The following ZNF892 variants were observed in gnomAD, a reference collection of about 807,000 sequenced individuals.
ZNF892 encodes zinc finger protein 570-like.
the ZNF892 span, among the ~76,000 whole-genome samples, chr2:95,228,919 C>T: frequency 1.3e-5 from 2 of 152,136 alleles, no homozygotes; most frequent in Non-Finnish European, 2.9e-5. Context: ...ATCTGATTTG[C>T]CTCTTTGGAA....
chr2:95,254,131 G>T, the ZNF892 span, among the ~76,000 whole-genome samples: 2 of 152,184 alleles, frequency 1.3e-5, no homozygotes, highest in Non-Finnish European at 2.9e-5. Flanking sequence ...AATAGGAGTG[G>T]TGAGAAAGGG....
At chr2:95,259,153 G>C in the ZNF892 span, 2 of 152,302 alleles carry the variant, frequency 1.3e-5, no homozygotes, top group Non-Finnish European at 2.9e-5. Flanking sequence ...TCACGTGGGA[G>C]TTTTTGTCTC....
At chr2:95,232,752 A>T in the ZNF892 span, among the ~76,000 whole-genome samples, 9 of 151,864 alleles carry the variant, frequency 5.9e-5, no homozygotes, top group African/African-American at 2.2e-4. Context: ...TACTTAGCAC[A>T]TGTTTGTACC....
the ZNF892 span, among the ~76,000 whole-genome samples, chr2:95,220,006 A>ACC: frequency 1.3e-5 from 2 of 151,844 alleles, no homozygotes; most frequent in Non-Finnish European, 1.5e-5. Flanking sequence ...ATAAGTCCTG[A>ACC]CCCCCCACTT....
the ZNF892 span, among the ~76,000 whole-genome samples, chr2:95,260,344 C>T: frequency 4.0e-4 from 61 of 152,274 alleles, no homozygotes; most frequent in South Asian, 0.011. Context: ...GACTTTGAAA[C>T]AGTGTCTGGC....
At chr2:95,259,012 G>A in the ZNF892 span, 2 of 152,244 alleles carry the variant, frequency 1.3e-5, no homozygotes, top group African/African-American at 4.8e-5. Flanking sequence ...AGCGATTGCA[G>A]AGAATAACTG....
chr2:95,228,154 G>T, the ZNF892 span, among the ~76,000 whole-genome samples: 4 of 152,198 alleles, frequency 2.6e-5, no homozygotes, highest in Admixed American at 2.6e-4. Flanking sequence ...ATTCTGAGAA[G>T]TCCAGACCAG....
chr2:95,248,233 A>G, the ZNF892 span, among the ~76,000 whole-genome samples: 1 of 152,228 alleles, frequency 6.6e-6, no homozygotes. Context: ...TTAACACAGG[A>G]ACAGAAAACC....
the ZNF892 span, among the ~76,000 whole-genome samples, chr2:95,216,012 A>G: frequency 6.6e-6 from 1 of 152,172 alleles, no homozygotes; most frequent in African/African-American, 2.4e-5. Flanking sequence ...AGAATTCACA[A>G]TGAGTTTGTC....
At chr2:95,250,125 T>C in the ZNF892 span, among the ~76,000 whole-genome samples, 10 of 152,136 alleles carry the variant, frequency 6.6e-5, no homozygotes, top group Non-Finnish European at 1.3e-4. Context: ...ATATAAAGGT[T>C]AAAATAAGTT....
chr2:95,224,088 C>T, the ZNF892 span, among the ~76,000 whole-genome samples: 1 of 152,226 alleles, frequency 6.6e-6, no homozygotes, highest in Non-Finnish European at 1.5e-5. Context: ...ACTCACATTT[C>T]ATTATGCTGG....
At chr2:95,245,450 C>CGGGG in the ZNF892 span, among the ~76,000 whole-genome samples, 4 of 11,682 alleles carry the variant, frequency 3.4e-4, no homozygotes, top group Non-Finnish European at 5.6e-4. Context: ...GTAGAGACGG[C>CGGGG]GGGGGGGGGG....
the ZNF892 span, among the ~76,000 whole-genome samples, chr2:95,249,704 T>C: frequency 6.6e-6 from 1 of 152,194 alleles, no homozygotes; most frequent in Non-Finnish European, 1.5e-5. Flanking sequence ...TTTTTCGTAA[T>C]GTAATTTTTG....
chr2:95,239,537 A>G, the ZNF892 span, among the ~76,000 whole-genome samples: 1 of 152,088 alleles, frequency 6.6e-6, no homozygotes, highest in Non-Finnish European at 1.5e-5. Flanking sequence ...TTCAGAAACC[A>G]CCGACCTGAT....
At chr2:95,207,063 T>C in the ZNF892 span, among the ~76,000 whole-genome samples, 2 of 152,338 alleles carry the variant, frequency 1.3e-5, no homozygotes, top group Admixed American at 1.3e-4. Context: ...GGATTGAAAT[T>C]CCATTTTTCT....
At chr2:95,242,851 CCCACGGTCTCCCTCTCACTCTCTTT>C in the ZNF892 span, among the ~76,000 whole-genome samples, 23 of 152,076 alleles carry the variant, frequency 1.5e-4, no homozygotes, top group Middle Eastern at 0.01. Flanking sequence ...TCTCCCTCTC[CCCACGGTCTCCCTCTCACTCTCTTT>C]CCACGGTCTC....
the ZNF892 span, among the ~76,000 whole-genome samples, chr2:95,236,799 A>C: frequency 2.0e-5 from 3 of 152,262 alleles, no homozygotes; most frequent in Non-Finnish European, 4.4e-5. Flanking sequence ...GTGAGAGTTT[A>C]CTATAATAGA....
the ZNF892 span, chr2:95,232,095 A>G: frequency 6.6e-6 from 1 of 152,322 alleles, no homozygotes; most frequent in Admixed American, 6.5e-5. Context: ...CCCAAATCCA[A>G]CATGTAAGCT....
the ZNF892 span, among the ~76,000 whole-genome samples, chr2:95,209,360 C>T: frequency 1.3e-5 from 2 of 152,152 alleles, no homozygotes; most frequent in Non-Finnish European, 2.9e-5. Flanking sequence ...GAGGGAAGCT[C>T]GGCTGTGTTG....
Sources: gnomAD v4.1 joint callset for allele counts (sites outside exome capture counted in the v4.1 genomes callset) on GRCh38, gnomAD v4.1.1 for gene constraint, MANE v1.5 for transcripts, NCBI Gene and HGNC (gene_info 2026-07-23, HGNC 2026-07-21) for gene names.